Variants in STK16 observed in about 807,000 individuals in gnomAD.
The protein encoded by STK16 is serine/threonine-protein kinase 16.
A neutral mutation model predicts 37.8 loss-of-function variants in STK16; 28 were observed. The ratio of observed to expected loss-of-function variants is 0.74; its 90% confidence interval spans 0.55 to 1.02. The LOEUF (loss-of-function observed/expected upper bound fraction) is 1.02. STK16 is among the 50% of genes least tolerant of loss of function. The probability of loss-of-function intolerance (pLI) is 0.00; values close to 1 mark genes in which losing one functional copy is unlikely to be tolerated. For missense variants in STK16, 349 were observed against 390.6 expected, an observed-to-expected ratio of 0.89 and a Z score of 0.90; for synonymous variants, 134 against 155.0, an observed-to-expected ratio of 0.86 and a Z score of 1.01.
intron 6 of STK16, 181 bp downstream of exon 6, chr2:219,247,938 G>A: frequency 1.2e-6 from 1 of 817,506 alleles, no homozygotes; most frequent in Non-Finnish European, 2.0e-6. Context: ...ACCGGATGTG[G>A]TATAATCTGT....
At position 219,247,745 on chromosome 2, in the gene STK16, G is replaced by A. The variant is rs373617295; in HGVS notation, c.645G>A (p.Arg215=). The change falls in exon 6 of 8, where the codon CGG becomes CGA. Residue 215 remains arginine, a synonymous_variant. Coordinates refer to ENST00000396738, the MANE Select transcript of STK16 (RefSeq NM_001330213.2). The part of the protein sequence containing the change: ...SVQSHCVIDE[R]TDVWSLGCVL... ...AGAGTCACTGTGTCATCGATGAGCG[G>A]ACTGATGTCTGGGTGAGGAGCATGT... is the stretch of plus-strand genomic sequence containing the variant. 68 of 1,581,858 alleles carry A rather than the reference G, an allele frequency of 4.3e-5. No individual in the cohort carries two copies. The African/African-American group carries it at 7.5e-4, about 18-fold the overall frequency.
chr2:219,248,145 T>G lies in STK16; in HGVS notation c.658-48T>G, dbSNP rs757923252. Reference sequence around the variant, plus strand: ...TTTACCACAGAAGTAAAGGGAGAGATGTCACCTCCACTGGTCCCCTTCTAG... The same window carrying G: ...TTTACCACAGAAGTAAAGGGAGAGAGGTCACCTCCACTGGTCCCCTTCTAG... On this transcript the variant is annotated intron_variant, in intron 6 of 7. Transcript: ENST00000396738. 5.3e-5 allele frequency: 86 copies of G among 1,609,116 alleles called. No individual in the cohort carries two copies. In the Middle Eastern group the frequency reaches 6.9e-4, roughly 13 times the overall value.
chr2:219,247,017 T>A lies in STK16; in HGVS notation c.307-96T>A, dbSNP rs1951549506. ...GATTTTGAGTTTGAGGTGTGTATCA[T>A]GAAAGGGCTGATAGGCTTTGACATA... On this transcript the variant is annotated intron_variant, in intron 3 of 7. Coordinates refer to ENST00000396738, the MANE Select transcript of STK16 (RefSeq NM_001330213.2). The A allele has an allele frequency of 3.8e-6, 6 of 1,571,828 alleles. No individual in the cohort carries two copies. In the South Asian group the frequency reaches 4.6e-5, roughly 12 times the overall value.
chr2:219,246,178 C>A lies in STK16; in HGVS notation c.86+93C>A. The A allele has an allele frequency of 9.2e-7, 1 of 1,092,854 alleles. No homozygotes were observed. The highest frequency in any genetic ancestry group is 1.4e-6 in the Non-Finnish European group (1 of 740,280). 67.7% of individuals were successfully genotyped at this position (1,092,854 alleles called of 1,614,324 possible). A position where few individuals can be genotyped will look rare whatever the true frequency, so the allele number is the denominator to read the frequency against. ...TGCTTGGGGCACAAGGGTTTTATCC[C>A]TATCCCTGTCCTCTCTCACCTGACA... On this transcript the variant is annotated intron_variant, in intron 2 of 7. Transcript: ENST00000396738. This position sits in a 1 kb window ranked among gnomAD's most constrained non-coding sequence, Gnocchi z 4.5.
chr2:219,250,333 T>G lies in STK16; in HGVS notation c.*1774T>G. 1.9e-6 allele frequency: 3 copies of G among 1,591,266 alleles called. No individual in the cohort carries two copies. The highest frequency in any genetic ancestry group is 3.4e-4 in the Middle Eastern group (2 of 5,950). On this transcript the variant is annotated 3_prime_UTR_variant, in exon 8 of 8. Coordinates refer to ENST00000396738, the MANE Select transcript of STK16 (RefSeq NM_001330213.2). The surrounding 1 kb of genome is among the most constrained non-coding windows in gnomAD (Gnocchi z 8.4). ...AGGATTTTGCAATAAACATAGTGAA[T>G]AGGCTCCAGGCAGCTGCTTTATTCT...
At position 219,247,551 on chromosome 2, in the gene STK16, G is replaced by C. The variant is rs377424319; in HGVS notation, c.561+16G>C. 28 of 1,614,066 alleles carry C rather than the reference G, an allele frequency of 1.7e-5. No homozygotes were observed. The highest frequency in any genetic ancestry group is 2.7e-5 in the African/African-American group (2 of 74,924). ...GACCCTGCAGGTAAAAGAGTCTCCA[G>C]GTTCCTTTTCTCACCTGTTCCCCAT... is the stretch of plus-strand genomic sequence containing the variant. On this transcript the variant is annotated intron_variant, in intron 5 of 7. Transcript: ENST00000396738.
chr2:219,247,033 C>A, intron 3 of STK16, 80 bp from the exon 4 acceptor site: 1 of 1,593,176 alleles, frequency 6.3e-7, no homozygotes, highest in South Asian at 1.1e-5. Context: ...GGCTGATAGG[C>A]TTTGACATAG....
At position 219,245,924 on chromosome 2, in the gene STK16, C is replaced by G; in HGVS notation, c.-76C>G. The stretch of plus-strand genomic sequence containing the variant: ...GATCCGCTGGGCCCCCAGCGCATCT[C>G]CTGGAAGAGCCCACTCACCCTGGAC... On this transcript the variant is annotated 5_prime_UTR_variant, in exon 2 of 8. Coordinates refer to ENST00000396738, the MANE Select transcript of STK16 (RefSeq NM_001330213.2). 2 of 1,230,974 alleles carry G rather than the reference C, an allele frequency of 1.6e-6. No individual in the cohort carries two copies. Among genetic ancestry groups the G allele is most frequent in the Non-Finnish European group, 2.4e-6 (2 of 850,896 alleles). 76.3% of individuals were successfully genotyped at this position (1,230,974 alleles called of 1,614,324 possible). A position where few individuals can be genotyped will look rare whatever the true frequency, so the allele number is the denominator to read the frequency against.
chr2:219,247,971 G>A (rs1951574811), intron 6 of STK16: 2 of 819,438 alleles, frequency 2.4e-6, no homozygotes, highest in Admixed American at 2.0e-5. Context: ...GGTGAGTACA[G>A]CTCAGTGTCA....
Position 219,246,169 on chromosome 2 carries a change from G to T in STK16, c.86+84G>T. ...GTGTGCATATGCTTGGGGCACAAGG[G>T]TTTTATCCCTATCCCTGTCCTCTCT... On this transcript the variant is annotated intron_variant, in intron 2 of 7. Transcript: ENST00000396738. This position sits in a 1 kb window ranked among gnomAD's most constrained non-coding sequence, Gnocchi z 4.5. 1 of 1,196,720 alleles carries T rather than the reference G, an allele frequency of 8.4e-7. No individual in the cohort carries two copies. The highest frequency in any genetic ancestry group is 1.2e-6 in the Non-Finnish European group (1 of 824,320). 74.1% of individuals were successfully genotyped at this position (1,196,720 alleles called of 1,614,324 possible). A position where few individuals can be genotyped will look rare whatever the true frequency, so the allele number is the denominator to read the frequency against.
Position 219,245,521 on chromosome 2 carries a change from A to G in STK16, c.-380A>G, listed in dbSNP as rs556035285. ...GTGGCGCTTCTCTCTGGCCCGAGCC[A>G]GGTCAGTCCGGCAGTGCAGATGGCC... On this transcript the variant is annotated 5_prime_UTR_variant, in exon 1 of 8. Transcript: ENST00000396738. The G allele has an allele frequency of 2.0e-5, 3 of 153,604 alleles. No homozygotes were observed. In the South Asian group the frequency reaches 5.4e-4, roughly 28 times the overall value. The allele number at this position is 153,604 out of a possible 1,614,324, so 9.5% of individuals were successfully genotyped here.
At position 219,247,102 on chromosome 2, in the gene STK16, T is replaced by C. The variant is rs776844532; in HGVS notation, c.307-11T>C. Reference sequence around the variant, plus strand: ...AAAACATCTCCAACTGTAGGGAAACTTGTGTTGCAGAGAGGTACGCTGTGG... The same window carrying C: ...AAAACATCTCCAACTGTAGGGAAACCTGTGTTGCAGAGAGGTACGCTGTGG... On this transcript the variant is annotated splice_polypyrimidine_tract_variant and intron_variant, in intron 3 of 7. Transcript: ENST00000396738. 2 of 1,614,052 alleles carry C rather than the reference T, an allele frequency of 1.2e-6. No homozygotes were observed. The highest frequency in any genetic ancestry group is 1.7e-6 in the Non-Finnish European group (2 of 1,179,974).
At position 219,246,024 on chromosome 2, in the gene STK16, T is replaced by C; in HGVS notation, c.25T>C (p.Ser9Pro). ...TATGGGCCACGCGCTGTGTGTCTGC[T>C]CTCGGGGAACTGTCATCATTGACAA... MGHALCVC[S>P]RGTVIIDNKR... The change falls in exon 2 of 8, where the codon TCT (serine) becomes CCT (proline). Residue 9 changes from serine (S) to proline (P), a missense_variant. Ser to Pro is a moderately conservative substitution (Grantham distance 74). Coordinates refer to ENST00000396738, the MANE Select transcript of STK16 (RefSeq NM_001330213.2). This position sits in a 1 kb window ranked among gnomAD's most constrained non-coding sequence, Gnocchi z 4.5. The C allele has an allele frequency of 1.2e-6, 2 of 1,613,770 alleles. No individual in the cohort carries two copies. The highest frequency in any genetic ancestry group is 1.7e-6 in the Non-Finnish European group (2 of 1,179,880).
Position 219,248,268 on chromosome 2 carries a change from G to T in STK16, c.733G>T (p.Val245Leu), listed in dbSNP as rs1951580599. 1 of 1,614,176 alleles carries T rather than the reference G, an allele frequency of 6.2e-7. No individual in the cohort carries two copies. The highest frequency in any genetic ancestry group is 2.2e-5 in the East Asian group (1 of 44,890). Residue 245 changes from valine to leucine, a missense_variant, in exon 7 of 8, where the codon GTG becomes TTG. Physicochemically the swap from Val to Leu is conservative, Grantham distance 32. Coordinates refer to ENST00000396738, the MANE Select transcript of STK16 (RefSeq NM_001330213.2). ...YDMVFQKGDS[V>L]ALAVQNQLSI... ...CATGGTGTTCCAAAAGGGTGACAGT[G>T]TGGCCCTTGCTGTGCAGAACCAACT... is the stretch of plus-strand genomic sequence containing the variant.
rs768677138 is a variant in STK16 at position 219,247,237 on chromosome 2, A to T, written c.431A>T (p.Tyr144Phe). 3 of 1,614,098 alleles carry T rather than the reference A, an allele frequency of 1.9e-6. No individual in the cohort carries two copies. Among genetic ancestry groups the T allele is most frequent in the Admixed American group, 3.3e-5 (2 of 60,004 alleles). The change falls in exon 4 of 8, where the codon TAT (tyrosine) becomes TTT (phenylalanine). Residue 144 changes from tyrosine (Y) to phenylalanine (F), a missense_variant. By Grantham distance (22) the Tyr-to-Phe change is conservative. Coordinates refer to ENST00000396738, the MANE Select transcript of STK16 (RefSeq NM_001330213.2). ...CTTGAGGCCATTCATGCCAAGGGTT[A>T]TGCCCACAGGTCAGTGGGAGGACCC... Reference protein sequence around the residue: ...RGLEAIHAKGYAHRDLKPTNI... With the variant: ...RGLEAIHAKGFAHRDLKPTNI...
At chr2:219,247,301 G>C in intron 4 of STK16, 55 bp downstream of exon 4, 1 of 1,610,586 alleles carries the variant, frequency 6.2e-7, no homozygotes, top group South Asian at 1.1e-5. Context: ...GCCTCACCAG[G>C]AGACATGGGA....
intron 6 of STK16, 186 bp downstream of exon 6, chr2:219,247,943 A>G (rs937525644): frequency 2.2e-5 from 18 of 818,270 alleles, no homozygotes; most frequent in Non-Finnish European, 3.5e-5. Context: ...ATGTGGTATA[A>G]TCTGTGCCCC....
intron 6 of STK16, 77 bp downstream of exon 6, chr2:219,247,834 G>A: frequency 7.0e-7 from 1 of 1,426,138 alleles, no homozygotes; most frequent in Non-Finnish European, 9.6e-7. Flanking sequence ...GTAGGTTGTT[G>A]GTTTCTGTTG....
Position 219,246,851 on chromosome 2 carries a change from C to G in STK16, c.281C>G (p.Ala94Gly). The G allele has an allele frequency of 1.9e-6, 3 of 1,611,468 alleles. No homozygotes were observed. Among genetic ancestry groups the G allele is most frequent in the Non-Finnish European group, 2.5e-6 (3 of 1,177,788 alleles). Reference protein sequence around the residue: ...CLRERGAKHEAWLLLPFFKRG... With the variant: ...CLRERGAKHEGWLLLPFFKRG... ...AGGGAACGGGGTGCTAAGCATGAGGCCTGGCTGCTGCTACCATTCTTCAAG... is the reference window on the plus strand; with the variant it reads ...AGGGAACGGGGTGCTAAGCATGAGGGCTGGCTGCTGCTACCATTCTTCAAG... Residue 94 changes from alanine (A) to glycine (G), a missense_variant, in exon 3 of 8, where the codon GCC becomes GGC. Coordinates refer to ENST00000396738, the MANE Select transcript of STK16 (RefSeq NM_001330213.2). The surrounding 1 kb of genome is among the most constrained non-coding windows in gnomAD (Gnocchi z 4.5).
Sources: allele counts gnomAD v4.1 joint callset, GRCh38; gene constraint gnomAD v4.1.1; non-coding constraint Gnocchi (gnomAD v3.1); transcripts MANE v1.5; gene names NCBI Gene and HGNC (gene_info 2026-07-23, HGNC 2026-07-21).